Variants in OSBPL10 observed in about 807,000 individuals in gnomAD.
OSBPL10 encodes oxysterol binding protein like 10.
OSBPL10 carries 49 observed loss-of-function variants against 81.7 expected under a neutral mutation model. The observed-to-expected ratio is 0.60, with a 90% confidence interval of 0.48 to 0.76. OSBPL10 has a LOEUF of 0.76. Among genes scored for constraint, OSBPL10 ranks in the 30% least tolerant of loss-of-function variants. The probability of loss-of-function intolerance (pLI) is 0.00; values close to 1 mark genes in which losing one functional copy is unlikely to be tolerated. For missense variants in OSBPL10, 923 were observed against 987.8 expected, an observed-to-expected ratio of 0.93 and a Z score of 0.88; for synonymous variants, 419 against 383.6, an observed-to-expected ratio of 1.09 and a Z score of -1.08.
intron 2 of OSBPL10, among the ~76,000 whole-genome samples, chr3:32,044,003 G>T (rs1415523375): frequency 2.0e-5 from 3 of 151,994 alleles, no homozygotes; most frequent in African/African-American, 7.3e-5. Context: ...TACCTATTGG[G>T]TACTGTGCTC....
At chr3:31,873,258 C>T (rs1362285026) in intron 3 of OSBPL10, among the ~76,000 whole-genome samples, 1 of 152,026 alleles carries the variant, frequency 6.6e-6, no homozygotes, top group African/African-American at 2.4e-5. Context: ...CCATATTCTA[C>T]GATAAAAAGG....
intron 7 of OSBPL10, among the ~76,000 whole-genome samples, chr3:31,686,986 C>G (rs1051622289): frequency 1.3e-5 from 2 of 152,164 alleles, no homozygotes; most frequent in African/African-American, 4.8e-5. Context: ...GAACTCCACC[C>G]AGACAGGGTG....
chr3:31,956,243 G>A (rs941743172), intron 1 of OSBPL10, among the ~76,000 whole-genome samples: 22 of 152,188 alleles, frequency 1.4e-4, no homozygotes, highest in African/African-American at 5.3e-4. Flanking sequence ...AAACTCTTTA[G>A]TACAGGAGAG....
intron 1 of OSBPL10, among the ~76,000 whole-genome samples, chr3:31,918,643 T>C (rs1696825418): frequency 6.6e-6 from 1 of 152,062 alleles, no homozygotes; most frequent in South Asian, 2.1e-4. Context: ...CCCAAGCCTA[T>C]AAGGATAGGA....
At chr3:31,938,082 G>T (rs554499530) in intron 1 of OSBPL10, among the ~76,000 whole-genome samples, 12 of 152,186 alleles carry the variant, frequency 7.9e-5, no homozygotes, top group African/African-American at 2.9e-4. Context: ...ACATCTCACT[G>T]CATTTCCTTT....
chr3:31,996,877 A>G (rs1413346908), intron 2 of OSBPL10, among the ~76,000 whole-genome samples: 1 of 152,188 alleles, frequency 6.6e-6, no homozygotes, highest in Non-Finnish European at 1.5e-5. Context: ...ACTCCATTCA[A>G]TATGGTATGT....
At chr3:31,917,820 C>T (rs751813049) in intron 1 of OSBPL10, among the ~76,000 whole-genome samples, 7 of 151,150 alleles carry the variant, frequency 4.6e-5, no homozygotes, top group Non-Finnish European at 8.8e-5. Flanking sequence ...CTTTGCTCCT[C>T]GGTTTTGTTA....
At chr3:31,956,092 C>T (rs965110522) in intron 1 of OSBPL10, among the ~76,000 whole-genome samples, 1 of 152,182 alleles carries the variant, frequency 6.6e-6, no homozygotes, top group African/African-American at 2.4e-5. Context: ...CACTGCAAAA[C>T]CCTCTAATAA....
intron 4 of OSBPL10, among the ~76,000 whole-genome samples, chr3:31,752,386 A>G (rs1296356453): frequency 6.6e-6 from 1 of 152,250 alleles, no homozygotes; most frequent in East Asian, 1.9e-4. Flanking sequence ...ACATGGGCAC[A>G]AAAACAGAGC....
chr3:31,969,076 G>A (rs1429355393), intron 1 of OSBPL10, among the ~76,000 whole-genome samples: 1 of 152,188 alleles, frequency 6.6e-6, no homozygotes, highest in Non-Finnish European at 1.5e-5. Flanking sequence ...GGTTAGCCAA[G>A]GGGATCAAGA....
intron 4 of OSBPL10, among the ~76,000 whole-genome samples, chr3:31,773,225 C>A (rs1002739441): frequency 6.6e-6 from 1 of 152,118 alleles, no homozygotes; most frequent in African/African-American, 2.4e-5. Flanking sequence ...GGATGTACTA[C>A]ATTTTGATTC....
intron 2 of OSBPL10, among the ~76,000 whole-genome samples, chr3:32,026,536 G>A (rs1699415557): frequency 6.6e-6 from 1 of 152,104 alleles, no homozygotes; most frequent in Non-Finnish European, 1.5e-5. Flanking sequence ...ACCCTTAAAG[G>A]AACTATATGG....
upstream of OSBPL10, among the ~76,000 whole-genome samples, chr3:31,984,630 C>A (rs1698908033): frequency 6.6e-6 from 1 of 152,086 alleles, no homozygotes; most frequent in African/African-American, 2.4e-5. Context: ...AATCTTGTGA[C>A]CTCTGGAAAA....
chr3:31,836,267 A>G (rs1351196214), intron 3 of OSBPL10, among the ~76,000 whole-genome samples: 1 of 152,144 alleles, frequency 6.6e-6, no homozygotes, highest in Non-Finnish European at 1.5e-5. Flanking sequence ...CTAACTTTAT[A>G]CCAATACCCT....
At chr3:32,010,997 T>G (rs1439746705) in intron 2 of OSBPL10, among the ~76,000 whole-genome samples, 1 of 152,212 alleles carries the variant, frequency 6.6e-6, no homozygotes, top group Non-Finnish European at 1.5e-5. Flanking sequence ...CCTGCCTCTG[T>G]AGACTCCACC....
chr3:31,994,491 A>ATGAT (rs1381223487), intron 2 of OSBPL10, among the ~76,000 whole-genome samples: 1 of 149,648 alleles, frequency 6.7e-6, no homozygotes, highest in African/African-American at 2.5e-5. Context: ...AGGGAAAAAA[A>ATGAT]GGATGGATGG....
At chr3:32,067,242 T>C (rs1273048877) in intron 1 of OSBPL10, among the ~76,000 whole-genome samples, 3 of 152,186 alleles carry the variant, frequency 2.0e-5, no homozygotes, top group Non-Finnish European at 4.4e-5. Context: ...ATTTTGTCTT[T>C]TGACAGTCTC....
chr3:31,917,428 T>C (rs1470567611), intron 1 of OSBPL10, among the ~76,000 whole-genome samples: 1 of 143,320 alleles, frequency 7.0e-6, no homozygotes, highest in Non-Finnish European at 1.5e-5. Flanking sequence ...TTAATTTACA[T>C]GATGGGTAGT....
rs1339793431 is a variant in OSBPL10 at position 31,972,259 on chromosome 3, G to C, written c.281+8640C>G. ...CAAAAATTAGCTGGGTGTGGTGGCG[G>C]ACGCCTGTAATTCCAGCTACTCAGG... On this transcript the variant is annotated intron_variant, in intron 1 of 11. Coordinates refer to ENST00000396556, the MANE Select transcript of OSBPL10 (RefSeq NM_017784.5). Among the ~76,000 whole-genome samples, 5 of 152,278 alleles carry C rather than the reference G, an allele frequency of 3.3e-5. No homozygotes were observed. In the East Asian group the frequency reaches 9.7e-4, roughly 29 times the overall value.
Sources: allele counts gnomAD v4.1 joint callset (sites outside exome capture counted in the v4.1 genomes callset), GRCh38; gene constraint gnomAD v4.1.1; transcripts MANE v1.5; gene names NCBI Gene and HGNC (gene_info 2026-07-23, HGNC 2026-07-21).